The following RALGDS variants were observed in gnomAD, a reference collection of about 807,000 sequenced individuals.
RALGDS encodes ral guanine nucleotide dissociation stimulator.
In RALGDS, 44 loss-of-function variants were observed where a neutral mutation model predicts 99.8. The observed-to-expected ratio is 0.44, with a 90% CI of 0.35 to 0.57. The LOEUF is 0.57. Ranked by LOEUF, RALGDS falls within the 20% of genes least tolerant of loss-of-function variation. The probability of loss-of-function intolerance (pLI) is 0.01; values close to 1 mark genes in which losing one functional copy is unlikely to be tolerated. For synonymous variants in RALGDS, 529 were observed against 505.0 expected (o/e 1.05, Z -0.64); for missense variants, 1,022 against 1,203.1 (o/e 0.85, Z 2.23).
In RALGDS at chr9:133,101,407, T is replaced by C. The variant is rs757641169; in HGVS notation, c.2454+113A>G. ...CATTTCTGTACCTGGCTGACATCTG[T>C]CCTTCCCCGCCAACTACAAGGTAGA... is the stretch of plus-strand genomic sequence containing the variant. On this transcript the variant is annotated intron_variant, in intron 16 of 17. Transcript: ENST00000372050. 1.9e-6 allele frequency: 3 copies of C among 1,581,656 alleles called. No homozygotes were observed. The South Asian group carries it at 3.3e-5, about 18-fold the overall frequency.
upstream of RALGDS, among the ~76,000 whole-genome samples, chr9:133,133,911 C>T (rs1011209016): frequency 6.6e-6 from 1 of 152,228 alleles, no homozygotes; most frequent in Non-Finnish European, 1.5e-5. Flanking sequence ...GGAGCTGTGA[C>T]TCAGAGCCAG....
intron 1 of RALGDS, among the ~76,000 whole-genome samples, chr9:133,136,516 C>T (rs1832428820): frequency 6.6e-6 from 1 of 152,190 alleles, no homozygotes; most frequent in South Asian, 2.1e-4. Flanking sequence ...TGGCTCACGC[C>T]TGTAATCCCA....
rs555250568 is a variant in RALGDS, at chr9:133,106,380, C to T, written c.1517+265G>A. Reference sequence around the variant, plus strand: ...AGTAGCTGGGATTACAGGCGTTAGCCATTGCGCCTGGCACAAAGGTTTTGA... The same window carrying T: ...AGTAGCTGGGATTACAGGCGTTAGCTATTGCGCCTGGCACAAAGGTTTTGA... On this transcript the variant is annotated intron_variant, in intron 8 of 17. Coordinates refer to ENST00000372050, the MANE Select transcript of RALGDS (RefSeq NM_006266.4). Among the ~76,000 whole-genome samples, 5 of 152,324 alleles carry T rather than the reference C, an allele frequency of 3.3e-5. No homozygotes were observed. The South Asian group carries it at 8.3e-4, about 25-fold the overall frequency.
chr9:133,137,286 C>T (rs1180980175), intron 1 of RALGDS, among the ~76,000 whole-genome samples: 4 of 152,244 alleles, frequency 2.6e-5, no homozygotes, highest in East Asian at 1.9e-4. Flanking sequence ...CCCCCCATGG[C>T]GGGGAGTTTG....
rs1831378513 is a variant in RALGDS at position 133,112,119 on chromosome 9, T to C, written c.217A>G (p.Asn73Asp). 2.5e-6 allele frequency: 4 copies of C among 1,579,500 alleles called. No individual in the cohort carries two copies. The highest frequency in any genetic ancestry group is 2.3e-5 in the South Asian group (2 of 86,600). The change falls in exon 2 of 18, where the codon AAC (asparagine) becomes GAC (aspartate). Residue 73 changes from asparagine to aspartate, a missense_variant. Asn to Asp is a conservative substitution (Grantham distance 23, BLOSUM62 1). This residue lies in a region of RALGDS where 180 missense variants were observed against 169.3 expected (regional missense o/e 1.06). Transcript: ENST00000372050. ...STQEIGEELINGVIYSISLRK... is the reference protein window; with the variant it reads ...STQEIGEELIDGVIYSISLRK... ...AGGGAGATGGAGTAGATGACTCCGT[T>C]GATCAGCTCCTCACCGATCTCCTGC...
At chr9:133,117,678 A>G (rs1175848697) in intron 1 of RALGDS, among the ~76,000 whole-genome samples, 3 of 152,212 alleles carry the variant, frequency 2.0e-5, no homozygotes, top group Admixed American at 6.5e-5. Flanking sequence ...CTGTTGCTGT[A>G]TATCTGGGAA....
At chr9:133,109,585 TG>T in intron 4 of RALGDS, 40 bp downstream of exon 4, 1 of 1,548,158 alleles carries the variant, frequency 6.5e-7, no homozygotes, top group South Asian at 1.1e-5. Context: ...CACTGTTCGG[TG>T]GGGACAGGGT....
Position 133,108,400 on chromosome 9 carries a change from G to C in RALGDS, c.785C>G (p.Ser262Ter). Residue 262 changes from serine to a stop codon, truncating the protein, a stop_gained, in exon 6 of 18, where the codon TCA (serine) becomes TGA (stop). Coordinates refer to ENST00000372050, the MANE Select transcript of RALGDS (RefSeq NM_006266.4). LOFTEE classifies it high-confidence loss of function. ...EPIEAEPEALSPVPALKPTPE... is the reference protein window; with the variant it reads ...EPIEAEPEAL Reference sequence around the variant, plus strand: ...AGTTGGTTTTAGAGCTGGCACTGGTGACAGAGCTGCAAGAGGAGAAAAGTT... The same window carrying C: ...AGTTGGTTTTAGAGCTGGCACTGGTCACAGAGCTGCAAGAGGAGAAAAGTT... The C allele has an allele frequency of 1.3e-6, 2 of 1,536,354 alleles. No homozygotes were observed. The highest frequency in any genetic ancestry group is 1.7e-6 in the Non-Finnish European group (2 of 1,146,684).
rs776299715 is a variant in RALGDS, at chr9:133,131,098, C to T, written c.-15G>A. The T allele has an allele frequency of 5.7e-5, 84 of 1,461,508 alleles. 2 individuals are homozygous for T. The highest frequency in any genetic ancestry group is 3.8e-4 in the South Asian group (28 of 73,518). The allele number at this position is 1,461,508 out of a possible 1,614,324, so 90.5% of individuals were successfully genotyped here. A position where few individuals can be genotyped will look rare whatever the true frequency, so the allele number is the denominator to read the frequency against. On this transcript the variant is annotated 5_prime_UTR_variant, in exon 1 of 18. Transcript: ENST00000372062. Reference sequence around the variant, plus strand: ...CACAGGCACATCAGGCCCTGGGGCCCGGCTTCCCGCCCAGACACTGCCCCA... The same window carrying T: ...CACAGGCACATCAGGCCCTGGGGCCTGGCTTCCCGCCCAGACACTGCCCCA...
At position 133,108,177 on chromosome 9, in the gene RALGDS, C is replaced by T; in HGVS notation, c.1008G>A (p.Glu336=). ...ESAPAPALEL[E]PAPEQDPAPS... Reference sequence around the variant, plus strand: ...GAGCTGGATCCTGTTCTGGAGCTGGCTCTAGTTCCAGAGCTGGCGCTGGAG... The same window carrying T: ...GAGCTGGATCCTGTTCTGGAGCTGGTTCTAGTTCCAGAGCTGGCGCTGGAG... Residue 336 remains glutamate, a synonymous_variant, in exon 6 of 18, where the codon GAG becomes GAA. Transcript: ENST00000372050. 6.2e-7 allele frequency: 1 copy of T among 1,613,022 alleles called. No individual in the cohort carries two copies. The highest frequency in any genetic ancestry group is 8.5e-7 in the Non-Finnish European group (1 of 1,179,978).
chr9:133,142,088 C>A (rs1284513433), intron 1 of RALGDS, among the ~76,000 whole-genome samples: 1 of 152,170 alleles, frequency 6.6e-6, no homozygotes, highest in African/African-American at 2.4e-5. Flanking sequence ...ACTCAGGTAT[C>A]CAGGAAGCGG....
At chr9:133,109,565 T>G in intron 4 of RALGDS, 61 bp downstream of exon 4, 2 of 1,458,600 alleles carry the variant, frequency 1.4e-6, no homozygotes, top group Middle Eastern at 1.8e-4. Context: ...CCCAGCCCCA[T>G]GTACTCTCCC....
At chr9:133,106,056 G>A (rs1831036047) in intron 8 of RALGDS, 40 bp from the exon 9 acceptor site, 1 of 1,495,234 alleles carries the variant, frequency 6.7e-7, no homozygotes, top group Admixed American at 1.7e-5. Context: ...AGCTGGGAAT[G>A]GTAGGGAGGG....
At chr9:133,133,123 C>T (rs1832372335), upstream of RALGDS, among the ~76,000 whole-genome samples, 1 of 151,708 alleles carries the variant, frequency 6.6e-6, no homozygotes, top group African/African-American at 2.4e-5. Flanking sequence ...ATAGCCCACT[C>T]CAGCCCAGCT....
Position 133,104,834 on chromosome 9 carries a change from C to A in RALGDS, c.1603-503G>T, listed in dbSNP as rs371806571. Among the ~76,000 whole-genome samples, 11 of 152,222 alleles carry A rather than the reference C, an allele frequency of 7.2e-5. No individual in the cohort carries two copies. The East Asian group carries it at 9.6e-4, about 13-fold the overall frequency. ...CTCTAAACAAATAAAAAAACTCCAC[C>A]TGCCTCGCAGGGCCTCAGAGACTCT... On this transcript the variant is annotated intron_variant, in intron 9 of 17. Transcript: ENST00000372050.
intron 1 of RALGDS, among the ~76,000 whole-genome samples, chr9:133,120,106 A>AG (rs916646215): frequency 1.3e-5 from 2 of 152,096 alleles, no homozygotes; most frequent in East Asian, 1.9e-4. Context: ...GAGCAGGGCG[A>AG]GGGGGGCATC....
Position 133,121,231 on chromosome 9 carries a change from T to G in RALGDS, c.-77A>C, listed in dbSNP as rs1258483368. Reference sequence around the variant, plus strand: ...CGGCGCGGCCCGCGCGGCTGGGCTTTGCCACCGCTGTGAGCCCGCGGCCCG... The same window carrying G: ...CGGCGCGGCCCGCGCGGCTGGGCTTGGCCACCGCTGTGAGCCCGCGGCCCG... On this transcript the variant is annotated 5_prime_UTR_variant, in exon 1 of 18. Coordinates refer to ENST00000372050, the MANE Select transcript of RALGDS (RefSeq NM_006266.4). The G allele has an allele frequency of 2.1e-6, 2 of 975,080 alleles. No homozygotes were observed. Among genetic ancestry groups the G allele is most frequent in the African/African-American group, 3.6e-5 (2 of 55,856 alleles). 60.4% of individuals were successfully genotyped at this position (975,080 alleles called of 1,614,324 possible). A position where few individuals can be genotyped will look rare whatever the true frequency, so the allele number is the denominator to read the frequency against.
upstream of RALGDS, among the ~76,000 whole-genome samples, chr9:133,121,906 G>C (rs1320085780): frequency 6.7e-6 from 1 of 149,718 alleles, no homozygotes; most frequent in Non-Finnish European, 1.5e-5. Context: ...TGTGTGCAGT[G>C]GGGGAAAGGG....
upstream of RALGDS, among the ~76,000 whole-genome samples, chr9:133,131,531 T>G (rs1832333283): frequency 6.6e-6 from 1 of 151,998 alleles, no homozygotes; most frequent in Admixed American, 6.6e-5. Context: ...GTCTCAGGAC[T>G]CGGCCCCCAG....
Sources: gnomAD v4.1 joint callset for allele counts (sites outside exome capture counted in the v4.1 genomes callset) on GRCh38, gnomAD v4.1.1 for gene constraint, gnomAD v4.1.1 regional missense constraint, MANE v1.5 for transcripts, NCBI Gene and HGNC (gene_info 2026-07-23, HGNC 2026-07-21) for gene names.